Variants in SYNE1 observed in about 807,000 individuals in gnomAD.
SYNE1 encodes the protein nesprin-1.
Under a neutral mutation model 1,111.0 loss-of-function variants are expected in SYNE1, and 616 were observed. That is an observed-to-expected ratio of 0.55 (90% CI 0.52 to 0.59). SYNE1 has a LOEUF of 0.59. Among genes scored for constraint, SYNE1 ranks in the 20% least tolerant of loss-of-function variants. SYNE1 has a pLI of 0.00. For synonymous variants in SYNE1, 3,855 were observed against 3,825.8 expected, an observed-to-expected ratio of 1.01 and a Z score of -0.28; for missense variants, 10,006 against 10,417.0, an observed-to-expected ratio of 0.96 and a Z score of 1.72.
At chr6:152,456,938 A>G (rs1564166014) in intron 22 of SYNE1, 2 of 238,072 alleles carry the variant, frequency 8.4e-6, no homozygotes, top group Non-Finnish European at 1.7e-5. Flanking sequence ...TCCTTTTGAA[A>G]ACTTAGGAGA....
At position 152,167,253 on chromosome 6, in the gene SYNE1, T is replaced by A. The variant is rs929395311; in HGVS notation, c.23628-2928A>T. Among the ~76,000 whole-genome samples, 17 of 152,190 alleles carry A rather than the reference T, an allele frequency of 1.1e-4. 2 individuals carry two copies. The highest frequency in any genetic ancestry group is 1.0e-3 in the Admixed American group (16 of 15,274). On this transcript the variant is annotated intron_variant, in intron 130 of 145. Transcript: ENST00000367255. ...ATATACAAACACACATAAATATGTA[T>A]ATACGTACTTACACATATATGCTTA...
At chr6:152,348,844 G>A (rs1231042104) in intron 72 of SYNE1, among the ~76,000 whole-genome samples, 2 of 151,618 alleles carry the variant, frequency 1.3e-5, no homozygotes, top group African/African-American at 4.9e-5. Flanking sequence ...GGAAACCTGG[G>A]TGGCCCTTCA....
rs565073001 is a variant in SYNE1, at chr6:152,460,128, T to G, written c.2395-1198A>C. On this transcript the variant is annotated intron_variant, in intron 21 of 145. Transcript: ENST00000367255. ...TAAAAAGGCAAATGACAATTTGCTT[T>G]CTCAGGGGTTGTCCTGAACACCTAA... 1.8e-4 allele frequency among the ~76,000 whole-genome samples: 27 copies of G among 152,326 alleles called. No homozygotes were observed. In the South Asian group the frequency reaches 4.1e-3, roughly 23 times the overall value.
chr6:152,169,837 T>C (rs927832340), intron 130 of SYNE1, among the ~76,000 whole-genome samples: 1 of 151,708 alleles, frequency 6.6e-6, no homozygotes, highest in Non-Finnish European at 1.5e-5. Context: ...CTGCATTTTA[T>C]ATAAGAAATA....
Position 152,348,001 on chromosome 6 carries a change from T to C in SYNE1, c.11902-766A>G, listed in dbSNP as rs150468747. Among the ~76,000 whole-genome samples the C allele has an allele frequency of 6.4e-3, 969 of 152,224 alleles. 11 individuals are homozygous for C. Among genetic ancestry groups the C allele is most frequent in the African/African-American group, 0.022 (921 of 41,512 alleles). Reference sequence around the variant, plus strand: ...CACCACGCCCGGCCTGTTATTACTTTTAATGGCAAAAACTGCAATTACTTT... The same window carrying C: ...CACCACGCCCGGCCTGTTATTACTTCTAATGGCAAAAACTGCAATTACTTT... On this transcript the variant is annotated intron_variant, in intron 72 of 145. Coordinates refer to ENST00000367255, the MANE Select transcript of SYNE1 (RefSeq NM_182961.4).
intron 2 of SYNE1, among the ~76,000 whole-genome samples, chr6:152,634,992 C>A (rs953424111): frequency 6.6e-6 from 1 of 152,208 alleles, no homozygotes; most frequent in Non-Finnish European, 1.5e-5. Context: ...AAAATGCCAC[C>A]AACCTTGCCC....
At position 152,313,100 on chromosome 6, in the gene SYNE1, A is replaced by G. The variant is rs115340674; in HGVS notation, c.16711-2227T>C. Among the ~76,000 whole-genome samples the G allele has an allele frequency of 2.3e-3, 349 of 152,332 alleles. 1 individual carries two copies. The highest frequency in any genetic ancestry group is 8.0e-3 in the African/African-American group (334 of 41,584). On this transcript the variant is annotated intron_variant, in intron 87 of 145. Transcript: ENST00000367255. ...ACAACAAAGCAAAAAATCACGGCGGAGATATGCTCTGCAAGGGCCTGTGAC... is the reference window on the plus strand; with the variant it reads ...ACAACAAAGCAAAAAATCACGGCGGGGATATGCTCTGCAAGGGCCTGTGAC...
At chr6:152,327,245 G>A (rs1034356831) in intron 78 of SYNE1, among the ~76,000 whole-genome samples, 4 of 151,720 alleles carry the variant, frequency 2.6e-5, no homozygotes, top group African/African-American at 4.8e-5. Context: ...AGCTGAGATC[G>A]TTTCACTGCA....
At chr6:152,152,937 C>T (rs1323054366) in intron 133 of SYNE1, among the ~76,000 whole-genome samples, 1 of 152,034 alleles carries the variant, frequency 6.6e-6, no homozygotes, top group African/African-American at 2.4e-5. Flanking sequence ...CTTTTCCCTC[C>T]AATGTAGAAG....
chr6:152,442,939 C>T (rs1013255142), intron 30 of SYNE1, among the ~76,000 whole-genome samples: 2 of 152,142 alleles, frequency 1.3e-5, no homozygotes, highest in African/African-American at 4.8e-5. Context: ...GAGTGAGACA[C>T]TGTCTCCAAA....
chr6:152,209,553 C>A (rs956063388), intron 124 of SYNE1, among the ~76,000 whole-genome samples: 2 of 151,974 alleles, frequency 1.3e-5, no homozygotes, highest in African/African-American at 4.8e-5. Context: ...AGTTTGAGAC[C>A]AGCCTGGCCA....
Position 152,329,737 on chromosome 6 carries a change from G to A in SYNE1, c.14948C>T (p.Thr4983Ile), listed in dbSNP as rs765961446. Reference sequence around the variant, plus strand: ...AAGTCCTATTATACCCACCTGTCTGGTGCGTAAGGCTTCCTGGATGTCTCC... The same window carrying A: ...AAGTCCTATTATACCCACCTGTCTGATGCGTAAGGCTTCCTGGATGTCTCC... ...LDGDIQEALRTRQATLTEIYS... is the reference protein window; with the variant it reads ...LDGDIQEALRIRQATLTEIYS... The change falls in exon 78 of 146, where the codon ACC becomes ATC. Residue 4983 changes from threonine to isoleucine, a missense_variant. Physicochemically the swap from Thr to Ile is moderately conservative, Grantham distance 89 (BLOSUM62 -1). Coordinates refer to ENST00000367255, the MANE Select transcript of SYNE1 (RefSeq NM_182961.4). 10 of 1,614,046 alleles carry A rather than the reference G, an allele frequency of 6.2e-6. No homozygotes were observed. In the East Asian group the frequency reaches 1.6e-4, roughly 25 times the overall value.
At chr6:152,128,897 C>T (rs1270186117) in intron 145 of SYNE1, 4 of 152,172 alleles carry the variant, frequency 2.6e-5, no homozygotes, top group Non-Finnish European at 4.4e-5. Flanking sequence ...CCGACGGTAA[C>T]GAAGCCCAAG....
chr6:152,348,172 T>A (rs2096672153), intron 72 of SYNE1, among the ~76,000 whole-genome samples: 1 of 152,188 alleles, frequency 6.6e-6, no homozygotes, highest in Non-Finnish European at 1.5e-5. Context: ...CCTGCTATAG[T>A]CCAGGAATTA....
intron 11 of SYNE1, among the ~76,000 whole-genome samples, chr6:152,489,696 C>A (rs1178356879): frequency 6.6e-6 from 1 of 152,132 alleles, no homozygotes; most frequent in Non-Finnish European, 1.5e-5. Context: ...TTGGATAATG[C>A]CTTTTTCAGA....
intron 14 of SYNE1, among the ~76,000 whole-genome samples, chr6:152,473,296 A>G (rs2098817012): frequency 6.6e-6 from 1 of 152,232 alleles, no homozygotes. Context: ...GACATATTAG[A>G]CCACCAAAAT....
intron 3 of SYNE1, among the ~76,000 whole-genome samples, chr6:152,576,546 T>C (rs916440100): frequency 2.0e-5 from 3 of 152,184 alleles, no homozygotes; most frequent in Non-Finnish European, 2.9e-5. Flanking sequence ...AACTAAATAA[T>C]TAACTACTAG....
At chr6:152,509,598 T>C (rs142649261) in intron 8 of SYNE1, among the ~76,000 whole-genome samples, 2 of 152,188 alleles carry the variant, frequency 1.3e-5, no homozygotes, top group East Asian at 3.9e-4. Context: ...TATAAATGTA[T>C]ACACATGTAA....
At chr6:152,308,837 A>G (rs1240112668) in intron 90 of SYNE1, among the ~76,000 whole-genome samples, 2 of 152,214 alleles carry the variant, frequency 1.3e-5, no homozygotes, top group Non-Finnish European at 2.9e-5. Context: ...AAAATTATTG[A>G]TGGAATCAAA....
Sources: gnomAD v4.1 joint callset for allele counts (sites outside exome capture counted in the v4.1 genomes callset) on GRCh38, gnomAD v4.1.1 for gene constraint, MANE v1.5 for transcripts, NCBI Gene and HGNC (gene_info 2026-07-23, HGNC 2026-07-21) for gene names.